The following RBFOX1 variants were observed in gnomAD, a reference collection of about 807,000 sequenced individuals.
RBFOX1 encodes RNA binding fox-1 homolog 1.
In RBFOX1, 8 loss-of-function variants were observed where a neutral mutation model predicts 57.7. The observed-to-expected ratio is 0.14, with a 90% CI of 0.08 to 0.25. The LOEUF is 0.25. Ranked by LOEUF, RBFOX1 falls within the 10% of genes least tolerant of loss-of-function variation. RBFOX1 has a pLI of 1.00. For missense variants in RBFOX1, 611 were observed against 548.5 expected, an observed-to-expected ratio of 1.11 and a Z score of -1.14; for synonymous variants, 326 against 222.4, an observed-to-expected ratio of 1.47 and a Z score of -4.15.
intron 1 of RBFOX1, among the ~76,000 whole-genome samples, chr16:6,218,773 G>T (rs550622279): frequency 6.6e-6 from 1 of 151,484 alleles, no homozygotes; most frequent in Non-Finnish European, 1.5e-5. Flanking sequence ...TCCTTCTTCA[G>T]ATATTTTATC....
At chr16:6,421,120 A>T (rs2093759926) in intron 2 of RBFOX1, among the ~76,000 whole-genome samples, 1 of 152,194 alleles carries the variant, frequency 6.6e-6, no homozygotes, top group African/African-American at 2.4e-5. Context: ...GCTTGGAGAT[A>T]AATGAACCGT....
intron 4 of RBFOX1, among the ~76,000 whole-genome samples, chr16:5,875,930 G>A (rs1042584139): frequency 4.7e-5 from 7 of 150,210 alleles, no homozygotes; most frequent in African/African-American, 7.4e-5. Context: ...TGCAAGCCCC[G>A]CCTCCCAGCT....
intron 1 of RBFOX1, among the ~76,000 whole-genome samples, chr16:5,341,901 C>G (rs180790466): frequency 1.3e-4 from 20 of 152,230 alleles, no homozygotes; most frequent in Non-Finnish European, 2.5e-4. Flanking sequence ...AGTGTTCAGA[C>G]GGGAAGCCTC....
chr16:5,997,159 G>A (rs112387310), intron 4 of RBFOX1, among the ~76,000 whole-genome samples: 27 of 144,746 alleles, frequency 1.9e-4, no homozygotes, highest in South Asian at 6.8e-4. Flanking sequence ...AAGCACCTCC[G>A]TCTCTGCTGG....
rs142520358 is a variant in RBFOX1 at position 6,934,769 on chromosome 16, G to A, written c.-15-117288G>A. ...TTTGGAGGATCTCAGAGGGAAAGGG[G>A]CCACGCTTTGTGTATCACTTGAATG... On this transcript the variant is annotated intron_variant, in intron 3 of 15. Coordinates refer to ENST00000550418, the MANE Select transcript of RBFOX1 (RefSeq NM_018723.4). 1.1e-3 allele frequency among the ~76,000 whole-genome samples: 166 copies of A among 152,194 alleles called. 1 individual carries two copies. The highest frequency in any genetic ancestry group is 8.8e-3 in the Admixed American group (135 of 15,272).
At chr16:5,298,008 A>C (rs1179807004) in intron 1 of RBFOX1, among the ~76,000 whole-genome samples, 1 of 152,194 alleles carries the variant, frequency 6.6e-6, no homozygotes, top group East Asian at 1.9e-4. Flanking sequence ...AATTGAACAC[A>C]ATGTTATTTT....
chr16:7,495,577 T>C (rs1194973394), intron 4 of RBFOX1, among the ~76,000 whole-genome samples: 2 of 152,252 alleles, frequency 1.3e-5, no homozygotes, highest in Non-Finnish European at 2.9e-5. Flanking sequence ...ATGATGATTA[T>C]AAGCATTTTT....
intron 1 of RBFOX1, among the ~76,000 whole-genome samples, chr16:6,205,488 T>C (rs1443380211): frequency 6.6e-6 from 1 of 152,232 alleles, no homozygotes; most frequent in African/African-American, 2.4e-5. Flanking sequence ...CTGCCATGTT[T>C]ATAAATATGT....
chr16:6,854,157 T>A (rs2057364074), intron 3 of RBFOX1, among the ~76,000 whole-genome samples: 1 of 152,194 alleles, frequency 6.6e-6, no homozygotes, highest in Admixed American at 6.5e-5. Flanking sequence ...TATGAGTGTC[T>A]GACGTTTATT....
chr16:7,047,909 A>C (rs906357622), intron 3 of RBFOX1, among the ~76,000 whole-genome samples: 1 of 150,224 alleles, frequency 6.7e-6, no homozygotes, highest in Admixed American at 6.6e-5. Context: ...GAGACGTCTC[A>C]CTCTTGTCAC....
chr16:7,198,403 A>G (rs539023037), intron 4 of RBFOX1, among the ~76,000 whole-genome samples: 6 of 152,336 alleles, frequency 3.9e-5, no homozygotes, highest in African/African-American at 1.2e-4. Flanking sequence ...AATGCTACTC[A>G]TTTGTACACT....
chr16:6,882,621 G>C (rs116955377), intron 3 of RBFOX1, among the ~76,000 whole-genome samples: 7 of 152,004 alleles, frequency 4.6e-5, no homozygotes, highest in African/African-American at 1.7e-4. Context: ...AAATAAATAA[G>C]ATCATGTTTG....
At chr16:7,076,178 A>G (rs1398272871) in intron 4 of RBFOX1, among the ~76,000 whole-genome samples, 11 of 151,522 alleles carry the variant, frequency 7.3e-5, no homozygotes, top group African/African-American at 2.2e-4. Context: ...AGTACCTAGA[A>G]CTACAGGTGC....
Position 7,595,617 on chromosome 16 carries a change from C to A in RBFOX1, c.537C>A (p.Thr179=). The A allele has an allele frequency of 6.3e-7, 1 of 1,579,914 alleles. No homozygotes were observed. The highest frequency in any genetic ancestry group is 8.6e-7 in the Non-Finnish European group (1 of 1,161,198). Residue 179 remains threonine (T), a synonymous_variant, in exon 8 of 16, where the codon ACC becomes ACA. Transcript: ENST00000550418. ...ADRAREKLHG[T]VVEGRKIEVN... is the part of the protein sequence containing the mutation. ...GGGCGAGGGAGAAATTACACGGCACCGTGGTAGAGGGCCGTAAAATCGAGG... is the reference window on the plus strand; with the variant it reads ...GGGCGAGGGAGAAATTACACGGCACAGTGGTAGAGGGCCGTAAAATCGAGG...
At chr16:5,692,566 T>G (rs1313059116) in intron 3 of RBFOX1, among the ~76,000 whole-genome samples, 1 of 152,046 alleles carries the variant, frequency 6.6e-6, no homozygotes, top group Non-Finnish European at 1.5e-5. Flanking sequence ...TGCAGCAAAT[T>G]AGTGTTGTTT....
chr16:6,178,451 G>C (rs902509293), intron 1 of RBFOX1, among the ~76,000 whole-genome samples: 3 of 151,912 alleles, frequency 2.0e-5, no homozygotes, highest in African/African-American at 7.3e-5. Flanking sequence ...CCAAAGTGCT[G>C]GGATAAGGTC....
At chr16:6,555,540 A>G (rs529646063) in intron 2 of RBFOX1, among the ~76,000 whole-genome samples, 2 of 152,078 alleles carry the variant, frequency 1.3e-5, no homozygotes, top group East Asian at 3.9e-4. Flanking sequence ...TCTACTAAAA[A>G]ATACAAAAAA....
At chr16:7,186,732 G>A (rs1289713705) in intron 4 of RBFOX1, among the ~76,000 whole-genome samples, 3 of 149,636 alleles carry the variant, frequency 2.0e-5, no homozygotes, top group East Asian at 1.9e-4. Context: ...TGTCCTTAGA[G>A]ATTCTATATG....
At chr16:6,837,924 A>G (rs547747707) in intron 3 of RBFOX1, among the ~76,000 whole-genome samples, 9 of 152,222 alleles carry the variant, frequency 5.9e-5, no homozygotes, top group African/African-American at 2.2e-4. Flanking sequence ...CACCATGGCA[A>G]CAGCAGGAAG....
Sources: allele counts gnomAD v4.1 joint callset (sites outside exome capture counted in the v4.1 genomes callset), GRCh38; gene constraint gnomAD v4.1.1; transcripts MANE v1.5; gene names NCBI Gene and HGNC (gene_info 2026-07-23, HGNC 2026-07-21).